The following KDM2A variants were observed in gnomAD, a reference collection of about 807,000 sequenced individuals.
The protein encoded by KDM2A is lysine demethylase 2A.
KDM2A carries 3 observed loss-of-function variants against 137.3 expected under a neutral mutation model. The ratio of observed to expected loss-of-function variants is 0.02; its 90% CI spans 0.01 to 0.06. KDM2A has a LOEUF of 0.06. Among genes scored for constraint, KDM2A ranks in the 10% least tolerant of loss-of-function variants. The pLI is 1.00. For synonymous variants in KDM2A, 512 were observed against 541.5 expected, an observed-to-expected ratio of 0.95 and a Z score of 0.76; for missense variants, 738 against 1,510.6, an observed-to-expected ratio of 0.49 and a Z score of 8.48.
chr11:67,204,041 TC>T (rs1388595173), intron 5 of KDM2A, among the ~76,000 whole-genome samples: 4 of 152,080 alleles, frequency 2.6e-5, no homozygotes, highest in African/African-American at 9.7e-5. Context: ...CCTCAAGTGA[TC>T]TGCCCGCCTC....
At chr11:67,235,070 G>C (rs1018702663) in intron 12 of KDM2A, among the ~76,000 whole-genome samples, 1 of 150,762 alleles carries the variant, frequency 6.6e-6, no homozygotes, top group Non-Finnish European at 1.5e-5. Context: ...GCGTGAACCC[G>C]GGAGGCGGAG....
intron 2 of KDM2A, among the ~76,000 whole-genome samples, chr11:67,169,358 GTTTC>G (rs775880574): frequency 4.5e-4 from 68 of 150,104 alleles, no homozygotes; most frequent in Non-Finnish European, 5.8e-4. Context: ...GACAAGATTG[GTTTC>G]TTTCTTTCTT....
In KDM2A at chr11:67,255,462, GC is replaced by G; in HGVS notation, c.*410del. The G allele has an allele frequency of 2.2e-6, 1 of 459,758 alleles. No individual in the cohort carries two copies. The highest frequency in any genetic ancestry group is 4.4e-6 in the Non-Finnish European group (1 of 229,126). The allele number at this position is 459,758 out of a possible 1,614,324, so 28.5% of individuals were successfully genotyped here. On this transcript the variant is annotated 3_prime_UTR_variant, in exon 21 of 21. Transcript: ENST00000529006. ...GAGCAAACTCCCAGGGAAGAAAACGGCCCTGTCTCCATGGCCAGGTTCTTGT... is the reference window on the plus strand; with the variant it reads ...GAGCAAACTCCCAGGGAAGAAAACGGCCTGTCTCCATGGCCAGGTTCTTGT...
chr11:67,137,603 T>G (rs1376430433), intron 2 of KDM2A, among the ~76,000 whole-genome samples: 1 of 152,120 alleles, frequency 6.6e-6, no homozygotes, highest in Non-Finnish European at 1.5e-5. Flanking sequence ...AGTGCATGGC[T>G]TATAATACAG....
At chr11:67,187,462 C>T (rs1857235249) in intron 5 of KDM2A, among the ~76,000 whole-genome samples, 2 of 152,078 alleles carry the variant, frequency 1.3e-5, no homozygotes, top group African/African-American at 4.8e-5. Flanking sequence ...ATGGAAAAAG[C>T]TATTCCATGC....
rs1857089927 is a variant in KDM2A, at chr11:67,181,474, T to C, written c.260+76T>C. 1.7e-5 allele frequency: 15 copies of C among 907,066 alleles called. No homozygotes were observed. The Admixed American group carries it at 2.7e-4, about 16-fold the overall frequency. The allele number at this position is 907,066 out of a possible 1,614,324, so 56.2% of individuals were successfully genotyped here. ...CCCAGGGCAATAAACAGTGGTGGTATTGATAACCCAAAACAATAGTAATTG... is the reference window on the plus strand; with the variant it reads ...CCCAGGGCAATAAACAGTGGTGGTACTGATAACCCAAAACAATAGTAATTG... On this transcript the variant is annotated intron_variant, in intron 4 of 20. Transcript: ENST00000529006.
At chr11:67,123,748 C>T (rs1487370278) in intron 2 of KDM2A, among the ~76,000 whole-genome samples, 1 of 151,976 alleles carries the variant, frequency 6.6e-6, no homozygotes, top group African/African-American at 2.4e-5. Context: ...ACTATCTCTG[C>T]TTACTGCAAC....
At chr11:67,201,909 C>A (rs1211595685) in intron 5 of KDM2A, among the ~76,000 whole-genome samples, 2 of 150,394 alleles carry the variant, frequency 1.3e-5, no homozygotes, top group African/African-American at 4.9e-5. Context: ...GAGCTCTGAT[C>A]TTGCCACTCT....
intron 5 of KDM2A, among the ~76,000 whole-genome samples, chr11:67,188,409 G>A (rs1387534905): frequency 6.6e-6 from 1 of 151,192 alleles, no homozygotes; most frequent in African/African-American, 2.4e-5. Flanking sequence ...GTGAACCCGG[G>A]AGGTAGAGCT....
intron 5 of KDM2A, among the ~76,000 whole-genome samples, chr11:67,186,732 A>T (rs1310418190): frequency 6.6e-6 from 1 of 152,198 alleles, no homozygotes; most frequent in Non-Finnish European, 1.5e-5. Context: ...GTGTAGCCCC[A>T]CATTTTATTT....
intron 2 of KDM2A, among the ~76,000 whole-genome samples, chr11:67,173,404 G>A (rs1312218893): frequency 2.6e-5 from 4 of 152,136 alleles, no homozygotes; most frequent in Non-Finnish European, 5.9e-5. Context: ...TTACATGCGT[G>A]AGCCACCGTT....
At chr11:67,201,242 A>G (rs1857616619) in intron 5 of KDM2A, among the ~76,000 whole-genome samples, 1 of 146,838 alleles carries the variant, frequency 6.8e-6, no homozygotes, top group Non-Finnish European at 1.5e-5. Context: ...GTGTATATAT[A>G]TATATTTCAT....
At chr11:67,232,640 C>T (rs1429940210) in intron 12 of KDM2A, among the ~76,000 whole-genome samples, 1 of 150,910 alleles carries the variant, frequency 6.6e-6, no homozygotes, top group East Asian at 1.9e-4. Context: ...CCTCCAGCTC[C>T]CCTTCATATT....
intron 5 of KDM2A, among the ~76,000 whole-genome samples, chr11:67,190,251 A>C (rs891274442): frequency 6.6e-6 from 1 of 152,106 alleles, no homozygotes; most frequent in Non-Finnish European, 1.5e-5. Context: ...CTCTACTAAA[A>C]ATACATAAAT....
intron 2 of KDM2A, among the ~76,000 whole-genome samples, chr11:67,169,190 G>T (rs1443973556): frequency 1.3e-5 from 2 of 151,600 alleles, no homozygotes; most frequent in Non-Finnish European, 2.9e-5. Flanking sequence ...TCCTGACCTC[G>T]TAATCCACCT....
intron 2 of KDM2A, among the ~76,000 whole-genome samples, chr11:67,133,079 C>G (rs1855887856): frequency 6.6e-6 from 1 of 152,040 alleles, no homozygotes; most frequent in African/African-American, 2.4e-5. Flanking sequence ...AGTCTCTTAC[C>G]AATTGTGCTT....
intron 2 of KDM2A, among the ~76,000 whole-genome samples, chr11:67,176,965 A>G (rs1856983871): frequency 6.6e-6 from 1 of 151,960 alleles, no homozygotes; most frequent in Non-Finnish European, 1.5e-5. Context: ...TTTTTTTTCA[A>G]TAATAAACTA....
Position 67,220,319 on chromosome 11 carries a change from G to A in KDM2A, c.957+916G>A, listed in dbSNP as rs992913903. ...GAGCTACTGCATCCCACAGTATCTTGGATTTTTATAAGGCCAGACATTTAC... is the reference window on the plus strand; with the variant it reads ...GAGCTACTGCATCCCACAGTATCTTAGATTTTTATAAGGCCAGACATTTAC... On this transcript the variant is annotated intron_variant, in intron 10 of 20. Coordinates refer to ENST00000529006, the MANE Select transcript of KDM2A (RefSeq NM_012308.3). Among the ~76,000 whole-genome samples the A allele has an allele frequency of 4.6e-5, 7 of 152,040 alleles. No homozygotes were observed. The East Asian group carries it at 1.3e-3, about 29-fold the overall frequency.
At chr11:67,248,444 C>T in intron 16 of KDM2A, 74 bp downstream of exon 16, 1 of 1,014,602 alleles carries the variant, frequency 9.9e-7, no homozygotes, top group African/African-American at 1.6e-5. Context: ...ACACGTTTGC[C>T]TTTGCATTAG....
Sources: gnomAD v4.1 joint callset for allele counts (sites outside exome capture counted in the v4.1 genomes callset) on GRCh38, gnomAD v4.1.1 for gene constraint, MANE v1.5 for transcripts, NCBI Gene and HGNC (gene_info 2026-07-23, HGNC 2026-07-21) for gene names.